PRKAR2A: variants seen among roughly 807,000 people sequenced by gnomAD.
PRKAR2A encodes the protein cAMP-dependent protein kinase type II-alpha regulatory subunit.
In PRKAR2A, 29 loss-of-function variants were observed where a neutral mutation model predicts 51.9. The observed-to-expected ratio is 0.56, with a 90% CI of 0.42 to 0.76. The LOEUF is 0.76. Among genes scored for constraint, PRKAR2A ranks in the 30% least tolerant of loss-of-function variants. The pLI, the probability that PRKAR2A is intolerant of heterozygous loss-of-function variation, is 0.00. For missense variants in PRKAR2A, 445 were observed against 512.1 expected (o/e 0.87, Z 1.26); for synonymous variants, 178 against 186.2 (o/e 0.96, Z 0.36).
chr3:48,761,231 G>A (rs1243618044), intron 8 of PRKAR2A, among the ~76,000 whole-genome samples: 4 of 151,666 alleles, frequency 2.6e-5, no homozygotes, highest in Admixed American at 6.6e-5. Flanking sequence ...GCAGTGAGCC[G>A]AGATCACACC....
chr3:48,750,090 G>A lies in PRKAR2A; in HGVS notation c.*1495C>T, dbSNP rs2081622666. On this transcript the variant is annotated 3_prime_UTR_variant, in exon 11 of 11. Transcript: ENST00000265563. ...AAAAAAAATTTTTTTTTTGCCAGGT[G>A]CAGTGGCTCACATCTGTAATCCCAG... 1 of 151,712 alleles carries A rather than the reference G, an allele frequency of 6.6e-6. No individual in the cohort carries two copies. The highest frequency in any genetic ancestry group is 1.5e-5 in the Non-Finnish European group (1 of 67,950). The allele number at this position is 151,712 out of a possible 1,614,324, so 9.4% of individuals were successfully genotyped here.
At chr3:48,810,817 G>A (rs1559634878) in intron 1 of PRKAR2A, among the ~76,000 whole-genome samples, 1 of 152,070 alleles carries the variant, frequency 6.6e-6, no homozygotes, top group African/African-American at 2.4e-5. Flanking sequence ...GAAATTAAGG[G>A]AATATTGGTA....
At chr3:48,837,818 A>G in intron 1 of PRKAR2A, among the ~76,000 whole-genome samples, 1 of 152,192 alleles carries the variant, frequency 6.6e-6, no homozygotes, top group East Asian at 1.9e-4. Context: ...AAAAAAAAAA[A>G]AAGTACTGAT....
At chr3:48,765,466 G>T in intron 6 of PRKAR2A, 117 bp from the exon 7 acceptor site, 1 of 703,736 alleles carries the variant, frequency 1.4e-6, no homozygotes, top group Non-Finnish European at 2.3e-6. Flanking sequence ...TTAATTAAGT[G>T]TTTAATGATA....
intron 4 of PRKAR2A, 134 bp from the exon 5 acceptor site, chr3:48,783,226 ACAAATG>A (rs2107289628): frequency 1.6e-6 from 1 of 636,494 alleles, no homozygotes; most frequent in East Asian, 2.7e-5. Context: ...GTTGTCTGAA[ACAAATG>A]CTTTCCTGGG....
intron 1 of PRKAR2A, among the ~76,000 whole-genome samples, chr3:48,808,865 G>A (rs2082725676): frequency 3.1e-5 from 2 of 65,176 alleles, no homozygotes; most frequent in African/African-American, 7.0e-5. Context: ...GGCTGGTCTT[G>A]AACTCCTGAC....
chr3:48,832,748 G>C (rs764874097), intron 1 of PRKAR2A, among the ~76,000 whole-genome samples: 1 of 151,940 alleles, frequency 6.6e-6, no homozygotes, highest in African/African-American at 2.4e-5. Context: ...ACTATAAAAA[G>C]ATCCTTAATG....
chr3:48,745,247 T>TCATAGTAAGAAACCA (rs2107171984), downstream of PRKAR2A, among the ~76,000 whole-genome samples: 1 of 151,964 alleles, frequency 6.6e-6, no homozygotes, highest in African/African-American at 2.4e-5. Flanking sequence ...CTTACTATGT[T>TCATAGTAAGAAACCA]GCCCAGGCTG....
chr3:48,834,400 T>C (rs922974656), intron 1 of PRKAR2A, among the ~76,000 whole-genome samples: 1 of 151,992 alleles, frequency 6.6e-6, no homozygotes, highest in East Asian at 1.9e-4. Flanking sequence ...AGAGCTAAAA[T>C]TGTACTTCAT....
rs145647042 is a variant in PRKAR2A at position 48,789,894 on chromosome 3, CCTTT to C, written c.435+646_435+649del. 6.1e-4 allele frequency among the ~76,000 whole-genome samples: 92 copies of C among 151,340 alleles called. 2 individuals carry two copies. In the East Asian group the frequency reaches 0.011, roughly 19 times the overall value. ...CCTTTCTTCCTTTTCTTTCTCTCTT[CCTTT>C]CTTTTTCTCTCCCTCTCTCCCTCTC... On this transcript the variant is annotated intron_variant, in intron 4 of 10. Coordinates refer to ENST00000265563, the MANE Select transcript of PRKAR2A (RefSeq NM_004157.4).
chr3:48,834,034 T>TAAAAAAAAA (rs569678133), intron 1 of PRKAR2A, among the ~76,000 whole-genome samples: 1 of 104,464 alleles, frequency 9.6e-6, no homozygotes, highest in African/African-American at 3.6e-5. Context: ...GACTCCGTCT[T>TAAAAAAAAA]AAAAAAAAAA....
intron 6 of PRKAR2A, among the ~76,000 whole-genome samples, chr3:48,768,343 A>G (rs933610965): frequency 6.6e-6 from 1 of 150,834 alleles, no homozygotes; most frequent in Non-Finnish European, 1.5e-5. Context: ...ATAGATAGAT[A>G]TAGACAGACA....
At chr3:48,777,208 G>T (rs1410224519) in intron 5 of PRKAR2A, among the ~76,000 whole-genome samples, 1 of 152,128 alleles carries the variant, frequency 6.6e-6, no homozygotes, top group African/African-American at 2.4e-5. Context: ...CTGGGAGCCT[G>T]CCCTGCTCTC....
chr3:48,791,055 G>A (rs1471939468), intron 3 of PRKAR2A, among the ~76,000 whole-genome samples: 3 of 152,122 alleles, frequency 2.0e-5, no homozygotes, highest in Admixed American at 6.6e-5. Context: ...TTGGGAGGCC[G>A]AGGCAGGCAG....
chr3:48,791,778 C>T (rs2082392090), intron 3 of PRKAR2A, among the ~76,000 whole-genome samples: 1 of 150,650 alleles, frequency 6.6e-6, no homozygotes, highest in Non-Finnish European at 1.5e-5. Flanking sequence ...TGGCACATGC[C>T]TGTAATCCCA....
At chr3:48,779,780 AAAAT>A (rs199753996) in intron 5 of PRKAR2A, among the ~76,000 whole-genome samples, 21,524 of 135,802 alleles carry the variant, frequency 0.16, 1,805 homozygotes, top group Non-Finnish European at 0.17. Flanking sequence ...ACTCCGTCTC[AAAAT>A]AAATAAATAA....
At chr3:48,790,037 T>C (rs1368003371) in intron 4 of PRKAR2A, among the ~76,000 whole-genome samples, 5 of 152,108 alleles carry the variant, frequency 3.3e-5, no homozygotes, top group Admixed American at 3.3e-4. Flanking sequence ...TTGCCAGCAT[T>C]GCTTCTCTTG....
chr3:48,756,304 A>G, intron 9 of PRKAR2A, 75 bp downstream of exon 9: 1 of 1,333,222 alleles, frequency 7.5e-7, no homozygotes, highest in Non-Finnish European at 1.1e-6. Flanking sequence ...TGGTGTATTC[A>G]ACACACTTCA....
intron 8 of PRKAR2A, among the ~76,000 whole-genome samples, chr3:48,764,517 G>GT (rs1333821132): frequency 6.6e-6 from 1 of 152,178 alleles, no homozygotes; most frequent in Non-Finnish European, 1.5e-5. Context: ...AGATCTGCAC[G>GT]TGTCAGTAAG....
Sources: allele counts gnomAD v4.1 joint callset (sites outside exome capture counted in the v4.1 genomes callset), GRCh38; gene constraint gnomAD v4.1.1; transcripts MANE v1.5; gene names NCBI Gene and HGNC (gene_info 2026-07-23, HGNC 2026-07-21).